NLN: variants seen among roughly 807,000 people sequenced by gnomAD.
NLN encodes the protein neurolysin, mitochondrial.
Under a neutral mutation model 79.9 loss-of-function variants are expected in NLN, and 64 were observed. The observed-to-expected ratio is 0.80, with a 90% CI of 0.65 to 0.99. NLN has a LOEUF of 0.99. Ranked by LOEUF, NLN falls within the 50% of genes least tolerant of loss-of-function variation. The pLI, the probability that NLN is intolerant of heterozygous loss-of-function variation, is 0.00. For missense variants in NLN, 835 were observed against 858.7 expected (o/e 0.97, Z 0.34); for synonymous variants, 267 against 296.6 (o/e 0.90, Z 1.02).
chr5:65,822,337 C>G (rs930812140), intron 12 of NLN, among the ~76,000 whole-genome samples: 2 of 152,154 alleles, frequency 1.3e-5, no homozygotes, highest in Non-Finnish European at 2.9e-5. Flanking sequence ...TTGAATGAGC[C>G]CATCATAAAA....
At chr5:65,785,999 A>G (rs1759913339) in intron 7 of NLN, 89 bp downstream of exon 7, 16 of 1,176,010 alleles carry the variant, frequency 1.4e-5, no homozygotes, top group Non-Finnish European at 1.9e-5. Flanking sequence ...CTTTGAGGAC[A>G]TCCTACTTTT....
At chr5:65,771,843 C>T (rs1759573931) in intron 3 of NLN, among the ~76,000 whole-genome samples, 1 of 151,972 alleles carries the variant, frequency 6.6e-6, no homozygotes. Context: ...ATGGCAAAAC[C>T]CCGTCTCTAC....
At chr5:65,733,933 T>C (rs1454643727) in intron 1 of NLN, among the ~76,000 whole-genome samples, 1 of 135,090 alleles carries the variant, frequency 7.4e-6, no homozygotes. Flanking sequence ...AGTCTCGCTC[T>C]GTCACCCAGG....
rs1268201896 is a variant in NLN, at chr5:65,733,531, G to A, written c.41+11117G>A. 5.8e-4 allele frequency: 839 copies of A among 1,455,808 alleles called. 128 individuals carry two copies. Among genetic ancestry groups the A allele is most frequent in the Non-Finnish European group, 7.4e-4 (777 of 1,052,190 alleles). 90.2% of individuals were successfully genotyped at this position (1,455,808 alleles called of 1,614,324 possible). A position where few individuals can be genotyped will look rare whatever the true frequency, so the allele number is the denominator to read the frequency against. On this transcript the variant is annotated intron_variant, in intron 1 of 12. Coordinates refer to ENST00000380985, the MANE Select transcript of NLN (RefSeq NM_020726.5). ...AATTGGGAGATCCTTGCCCCAATTC[G>A]GGCTGAGCTGATGTGTACAGTCAGG...
In NLN at chr5:65,734,144, G is replaced by A. The variant is rs1204474301; in HGVS notation, c.41+11730G>A. On this transcript the variant is annotated intron_variant, in intron 1 of 12. Coordinates refer to ENST00000380985, the MANE Select transcript of NLN (RefSeq NM_020726.5). Reference sequence around the variant, plus strand: ...AATCTCCTGACCTCGTGATCCACCCGCCTCGGCCTCCCAAAGTGTAATTTT... The same window carrying A: ...AATCTCCTGACCTCGTGATCCACCCACCTCGGCCTCCCAAAGTGTAATTTT... 1.9e-4 allele frequency among the ~76,000 whole-genome samples: 26 copies of A among 138,784 alleles called. 5 individuals are homozygous for A. Among genetic ancestry groups the A allele is most frequent in the East Asian group, 6.0e-4 (3 of 4,966 alleles). The allele number at this position is 138,784 out of a possible 152,430, so 91.0% of individuals were successfully genotyped here.
At chr5:65,792,221 C>T (rs1343444166) in intron 8 of NLN, among the ~76,000 whole-genome samples, 1 of 152,118 alleles carries the variant, frequency 6.6e-6, no homozygotes, top group Non-Finnish European at 1.5e-5. Flanking sequence ...ATTCTTACCT[C>T]GAGATTTTTC....
At chr5:65,804,953 A>G (rs1760378785) in intron 9 of NLN, among the ~76,000 whole-genome samples, 1 of 152,230 alleles carries the variant, frequency 6.6e-6, no homozygotes, top group South Asian at 2.1e-4. Context: ...TTTTTCCAAC[A>G]GAATGTGCTC....
At chr5:65,739,825 T>G (rs1406947383) in intron 1 of NLN, among the ~76,000 whole-genome samples, 2 of 152,224 alleles carry the variant, frequency 1.3e-5, no homozygotes, top group African/African-American at 4.8e-5. Context: ...TCTGTTTGAG[T>G]CCTTTGCCCA....
chr5:65,753,706 A>G (rs1759153579), intron 1 of NLN, among the ~76,000 whole-genome samples: 1 of 151,694 alleles, frequency 6.6e-6, no homozygotes, highest in African/African-American at 2.4e-5. Flanking sequence ...GTCTATAGTC[A>G]TTGGTTTATA....
intron 3 of NLN, among the ~76,000 whole-genome samples, chr5:65,773,147 T>C (rs961202336): frequency 6.8e-6 from 1 of 147,124 alleles, no homozygotes; most frequent in Admixed American, 6.8e-5. Context: ...TTTTTTTTTT[T>C]CTGCAACAGG....
chr5:65,792,616 TC>T lies in NLN; in HGVS notation c.1489del (p.His497MetfsTer6). On this transcript the variant is annotated frameshift_variant, in exon 9 of 13. Coordinates refer to ENST00000380985, the MANE Select transcript of NLN (RefSeq NM_020726.5). LOFTEE classifies it high-confidence loss of function. ...LRHDEVRTYF[H>X]EFGHVMHQIC... is the part of the protein sequence containing the mutation. Reference sequence around the variant, plus strand: ...GACACGACGAGGTGAGGACTTACTTTCATGAGTTTGGTCACGTGATGCATCA... The same window carrying T: ...GACACGACGAGGTGAGGACTTACTTTATGAGTTTGGTCACGTGATGCATCA... 1 of 1,614,026 alleles carries T rather than the reference TC, an allele frequency of 6.2e-7. No homozygotes were observed. The highest frequency in any genetic ancestry group is 8.5e-7 in the Non-Finnish European group (1 of 1,179,990).
intron 3 of NLN, among the ~76,000 whole-genome samples, chr5:65,775,831 A>G (rs1366170888): frequency 6.6e-6 from 1 of 152,262 alleles, no homozygotes; most frequent in Non-Finnish European, 1.5e-5. Context: ...TCATGCCAGC[A>G]TGCACAAATT....
chr5:65,778,041 C>T (rs1303989721), intron 4 of NLN, among the ~76,000 whole-genome samples: 9 of 151,988 alleles, frequency 5.9e-5, no homozygotes, highest in Non-Finnish European at 2.9e-5. Context: ...AAGAGCTGTT[C>T]TCAGGTCTTA....
Position 65,785,903 on chromosome 5 carries a change from C to A in NLN, c.951C>A (p.Ala317=). The change falls in exon 7 of 13, where the codon GCC becomes GCA. Residue 317 remains alanine (A), a synonymous_variant. Transcript: ENST00000380985. ...CAAAGAGCACAAGCCGCGTAACAGC[C>A]TTTCTAGGTTAGTTCTTTTTTTTTT... is the stretch of plus-strand genomic sequence containing the variant. The part of the protein sequence containing the change: ...NTAKSTSRVT[A]FLDDLSQKLK... 10 of 1,609,774 alleles carry A rather than the reference C, an allele frequency of 6.2e-6. No individual in the cohort carries two copies. The highest frequency in any genetic ancestry group is 8.5e-6 in the Non-Finnish European group (10 of 1,178,312).
At chr5:65,732,504 G>A (rs1233275548) in intron 1 of NLN, among the ~76,000 whole-genome samples, 188 of 140,070 alleles carry the variant, frequency 1.3e-3, no homozygotes, top group South Asian at 3.4e-3. Context: ...AAACACCAAT[G>A]ATCCTGTCTC....
At chr5:65,820,808 G>T (rs1428741952) in intron 12 of NLN, among the ~76,000 whole-genome samples, 2 of 151,956 alleles carry the variant, frequency 1.3e-5, no homozygotes, top group Non-Finnish European at 2.9e-5. Flanking sequence ...TTGGGAGGCC[G>T]AGGCAGGCAG....
chr5:65,750,945 G>C (rs1244106754), intron 1 of NLN, among the ~76,000 whole-genome samples: 1 of 152,056 alleles, frequency 6.6e-6, no homozygotes, highest in East Asian at 1.9e-4. Flanking sequence ...GGAGAGGGGT[G>C]ATTTAGTCAA....
intron 1 of NLN, among the ~76,000 whole-genome samples, chr5:65,755,118 A>G (rs1346647521): frequency 2.0e-5 from 3 of 152,178 alleles, no homozygotes; most frequent in Non-Finnish European, 4.4e-5. Context: ...TGTCTAAAAC[A>G]TTGCTCATGT....
intron 3 of NLN, among the ~76,000 whole-genome samples, chr5:65,765,926 A>G (rs766572694): frequency 3.9e-5 from 6 of 152,224 alleles, no homozygotes; most frequent in Non-Finnish European, 4.4e-5. Flanking sequence ...TCCACTTAAA[A>G]TTAATACATA....
Sources: gnomAD v4.1 joint callset for allele counts (sites outside exome capture counted in the v4.1 genomes callset) on GRCh38, gnomAD v4.1.1 for gene constraint, MANE v1.5 for transcripts, NCBI Gene and HGNC (gene_info 2026-07-23, HGNC 2026-07-21) for gene names.